Variants in KCNA2 observed in about 807,000 individuals in gnomAD.
The protein encoded by KCNA2 is potassium voltage-gated channel subfamily A member 2, also known as potassium channel, voltage gated shaker related subfamily A, member 2.
A neutral mutation model predicts 33.4 loss-of-function variants in KCNA2; 11 were observed. The observed-to-expected ratio is 0.33, with a 90% CI of 0.21 to 0.55. The LOEUF (loss-of-function observed/expected upper bound fraction) is 0.55. Among genes scored for constraint, KCNA2 ranks in the 20% least tolerant of loss-of-function variants. The pLI, the probability that KCNA2 is intolerant of heterozygous loss-of-function variation, is 0.93. For synonymous variants in KCNA2, 222 were observed against 231.3 expected (o/e 0.96, Z 0.37); for missense variants, 291 against 621.6 (o/e 0.47, Z 5.66).
In KCNA2 at chr1:110,603,021, C is replaced by A. The variant is rs1335967498; in HGVS notation, c.*262G>T. The A allele has an allele frequency of 3.0e-6, 4 of 1,344,430 alleles. No homozygotes were observed. The East Asian group carries it at 1.2e-4, about 41-fold the overall frequency. 83.3% of individuals were successfully genotyped at this position (1,344,430 alleles called of 1,614,324 possible). A position where few individuals can be genotyped will look rare whatever the true frequency, so the allele number is the denominator to read the frequency against. ...CTGTGTATGGGATATGAGGTGGCCT[C>A]AACGTGTCTATCTGAAATCCTAGCT... On this transcript the variant is annotated 3_prime_UTR_variant, in exon 3 of 3. Transcript: ENST00000316361. This position sits in a 1 kb window ranked among gnomAD's most constrained non-coding sequence, Gnocchi z 5.7.
In KCNA2 at chr1:110,593,811, A is replaced by G; in HGVS notation, c.*9472T>C. The G allele has an allele frequency of 6.6e-7, 1 of 1,524,190 alleles. No homozygotes were observed. Among genetic ancestry groups the G allele is most frequent in the Non-Finnish European group, 8.9e-7 (1 of 1,127,070 alleles). 94.4% of individuals were successfully genotyped at this position (1,524,190 alleles called of 1,614,324 possible). ...AAATATCAGACCCTACTGACACAGG[A>G]ACTCTCAGCTGCAGAAGTCCTGGGT... is the stretch of plus-strand genomic sequence containing the variant. On this transcript the variant is annotated 3_prime_UTR_variant, in exon 3 of 3. Transcript: ENST00000316361.
Position 110,601,471 on chromosome 1 carries a change from C to T in KCNA2, c.*1812G>A. On this transcript the variant is annotated 3_prime_UTR_variant, in exon 3 of 3. Coordinates refer to ENST00000316361, the MANE Select transcript of KCNA2 (RefSeq NM_004974.4). ...AAGAGGTGAAAATGGAGATGATGAA[C>T]AGGATGAACTGTAGAGAGGAGGCCC... is the stretch of plus-strand genomic sequence containing the variant. The T allele has an allele frequency of 1.0e-6, 1 of 985,630 alleles. No individual in the cohort carries two copies. The highest frequency in any genetic ancestry group is 1.2e-6 in the Non-Finnish European group (1 of 830,108). 61.1% of individuals were successfully genotyped at this position (985,630 alleles called of 1,614,324 possible).
In KCNA2 at chr1:110,625,299, A is replaced by G. The variant is rs185732629; in HGVS notation, c.-496+6096T>C. Among the ~76,000 whole-genome samples the G allele has an allele frequency of 9.2e-5, 14 of 152,330 alleles. No homozygotes were observed. The East Asian group carries it at 1.3e-3, about 15-fold the overall frequency. ...TCCCAGCACATAAATATACAGACCA[A>G]TGGAATTGAATGGGAAGTTCAGACA... is the stretch of plus-strand genomic sequence containing the variant. On this transcript the variant is annotated intron_variant, in intron 1 of 4. Transcript: ENST00000369770.
rs1649128669 is a variant in KCNA2, at chr1:110,597,084, C to G, written c.*6199G>C. The G allele has an allele frequency of 7.1e-6, 7 of 985,466 alleles. No individual in the cohort carries two copies. The highest frequency in any genetic ancestry group is 8.4e-6 in the Non-Finnish European group (7 of 829,954). 61.0% of individuals were successfully genotyped at this position (985,466 alleles called of 1,614,324 possible). ...AGACTTCTACTGAAACCCACAAGAA[C>G]CTGCTTCCTTCTGCAGCTCTCACGG... On this transcript the variant is annotated 3_prime_UTR_variant, in exon 3 of 3. Transcript: ENST00000316361.
chr1:110,631,083 T>C (rs920049071), intron 1 of KCNA2, among the ~76,000 whole-genome samples: 2 of 152,154 alleles, frequency 1.3e-5, no homozygotes, highest in African/African-American at 2.4e-5. Flanking sequence ...CTTCCAAGCC[T>C]CAGACCCCAT....
Position 110,600,823 on chromosome 1 carries a change from T to C in KCNA2, c.*2460A>G. Reference sequence around the variant, plus strand: ...GGGCATGGGATGCCCTGCAGATACCTGGGGATGTGGGTGACCAGGCACTAA... The same window carrying C: ...GGGCATGGGATGCCCTGCAGATACCCGGGGATGTGGGTGACCAGGCACTAA... On this transcript the variant is annotated 3_prime_UTR_variant, in exon 3 of 3. Coordinates refer to ENST00000316361, the MANE Select transcript of KCNA2 (RefSeq NM_004974.4). The C allele has an allele frequency of 1.0e-6, 1 of 985,430 alleles. No individual in the cohort carries two copies. Among genetic ancestry groups the C allele is most frequent in the Non-Finnish European group, 1.2e-6 (1 of 829,938 alleles). 61.0% of individuals were successfully genotyped at this position (985,430 alleles called of 1,614,324 possible). A position where few individuals can be genotyped will look rare whatever the true frequency, so the allele number is the denominator to read the frequency against.
chr1:110,599,910 C>G lies in KCNA2; in HGVS notation c.*3373G>C. 3 of 985,392 alleles carry G rather than the reference C, an allele frequency of 3.0e-6. No individual in the cohort carries two copies. The highest frequency in any genetic ancestry group is 3.6e-6 in the Non-Finnish European group (3 of 829,950). 61.0% of individuals were successfully genotyped at this position (985,392 alleles called of 1,614,324 possible). A position where few individuals can be genotyped will look rare whatever the true frequency, so the allele number is the denominator to read the frequency against. On this transcript the variant is annotated 3_prime_UTR_variant, in exon 3 of 3. Transcript: ENST00000316361. ...CCCAGGTACTTTCACACCCTGCACCCAGGTTTCTGGTGGGAGGAAGGTGAA... is the reference window on the plus strand; with the variant it reads ...CCCAGGTACTTTCACACCCTGCACCGAGGTTTCTGGTGGGAGGAAGGTGAA...
At chr1:110,608,907 G>T (rs534124568), upstream of KCNA2, among the ~76,000 whole-genome samples, 96 of 152,224 alleles carry the variant, frequency 6.3e-4, no homozygotes, top group Non-Finnish European at 2.2e-4. Context: ...TGATGATTTC[G>T]CTGCTCTGCT....
Position 110,603,403 on chromosome 1 carries a change from C to A in KCNA2, c.1380G>T (p.Glu460Asp), listed in dbSNP as rs1649445890. ...TACTGTTATTTACACCCTCCTGGAT[C>A]TCCATGTAATCAGACTTACTAATGG... is the stretch of plus-strand genomic sequence containing the variant. ...ASTISKSDYM[E>D]IQEGVNNSNE... The change falls in exon 3 of 3, where the codon GAG becomes GAT. Residue 460 changes from glutamate to aspartate, a missense_variant. Around this residue, in one of 5 missense-constraint regions of KCNA2, gnomAD observed 65 missense variants for 95.1 expected, o/e 0.68. Coordinates refer to ENST00000316361, the MANE Select transcript of KCNA2 (RefSeq NM_004974.4). The surrounding 1 kb of genome is among the most constrained non-coding windows in gnomAD (Gnocchi z 5.7). The A allele has an allele frequency of 6.2e-7, 1 of 1,614,220 alleles. No individual in the cohort carries two copies. Among genetic ancestry groups the A allele is most frequent in the South Asian group, 1.1e-5 (1 of 91,088 alleles).
intron 1 of KCNA2, among the ~76,000 whole-genome samples, chr1:110,625,453 A>G (rs894964598): frequency 6.6e-6 from 1 of 152,248 alleles, no homozygotes; most frequent in African/African-American, 2.4e-5. Context: ...CTGCCAGTAT[A>G]AACTCCAAAT....
chr1:110,599,499 C>T lies in KCNA2; in HGVS notation c.*3784G>A. The T allele has an allele frequency of 2.0e-6, 2 of 985,142 alleles. No individual in the cohort carries two copies. The highest frequency in any genetic ancestry group is 1.7e-5 in the African/African-American group (1 of 57,248). 61.0% of individuals were successfully genotyped at this position (985,142 alleles called of 1,614,324 possible). ...AAGGAAGAGCGTGCCCGGGATTGAACACACCCAGAGGGGAATCAGGAGTTG... is the reference window on the plus strand; with the variant it reads ...AAGGAAGAGCGTGCCCGGGATTGAATACACCCAGAGGGGAATCAGGAGTTG... On this transcript the variant is annotated 3_prime_UTR_variant, in exon 3 of 3. Coordinates refer to ENST00000316361, the MANE Select transcript of KCNA2 (RefSeq NM_004974.4).
chr1:110,617,158 G>A (rs1434188006), intron 1 of KCNA2, among the ~76,000 whole-genome samples: 1 of 152,170 alleles, frequency 6.6e-6, no homozygotes, highest in Non-Finnish European at 1.5e-5. Context: ...TGTGTGAGGA[G>A]GGATTTTGAG....
Position 110,604,922 on chromosome 1 carries a change from A to T in KCNA2, c.-140T>A, listed in dbSNP as rs1649532065. The T allele has an allele frequency of 6.6e-6, 5 of 762,384 alleles. No individual in the cohort carries two copies. In the South Asian group the frequency reaches 8.9e-5, roughly 14 times the overall value. The allele number at this position is 762,384 out of a possible 1,614,324, so 47.2% of individuals were successfully genotyped here. A position where few individuals can be genotyped will look rare whatever the true frequency, so the allele number is the denominator to read the frequency against. On this transcript the variant is annotated 5_prime_UTR_variant, in exon 3 of 3. Transcript: ENST00000316361. The surrounding 1 kb of genome is among the most constrained non-coding windows in gnomAD (Gnocchi z 7.6). ...AGGAGAGCCCCGAGAGCTCTCTGAG[A>T]GCTGGAGAGACAGCCTCGCTTGGCT...
chr1:110,622,262 A>G (rs1650277651), intron 1 of KCNA2, among the ~76,000 whole-genome samples: 1 of 152,182 alleles, frequency 6.6e-6, no homozygotes, highest in South Asian at 2.1e-4. Context: ...TTATCTTAAT[A>G]GACAGAGAAA....
Position 110,596,351 on chromosome 1 carries a change from ACACACATAAATATAT to A in KCNA2, c.*6917_*6931del. The A allele has an allele frequency of 2.7e-6, 1 of 371,090 alleles. No homozygotes were observed. Among genetic ancestry groups the A allele is most frequent in the Non-Finnish European group, 3.7e-6 (1 of 270,280 alleles). 23.0% of individuals were successfully genotyped at this position (371,090 alleles called of 1,614,324 possible). On this transcript the variant is annotated 3_prime_UTR_variant, in exon 3 of 3. Coordinates refer to ENST00000316361, the MANE Select transcript of KCNA2 (RefSeq NM_004974.4). Reference sequence around the variant, plus strand: ...ATACATATACTATATATATATATATACACACATAAATATATGTATATATGGAAAACCTCTAAAAAC... The same window carrying A: ...ATACATATACTATATATATATATATAGTATATATGGAAAACCTCTAAAAAC...
Position 110,594,097 on chromosome 1 carries a change from G to C in KCNA2, c.*9186C>G, listed in dbSNP as rs912396392. 2.8e-6 allele frequency: 4 copies of C among 1,411,894 alleles called. No individual in the cohort carries two copies. Among genetic ancestry groups the C allele is most frequent in the African/African-American group, 2.9e-5 (2 of 68,338 alleles). 87.5% of individuals were successfully genotyped at this position (1,411,894 alleles called of 1,614,324 possible). ...TTACGAAGCTTTACCATCAGCCTTG[G>C]AGTTCCTTCTGCTATTGATCCCAAG... On this transcript the variant is annotated 3_prime_UTR_variant, in exon 3 of 3. Coordinates refer to ENST00000316361, the MANE Select transcript of KCNA2 (RefSeq NM_004974.4).
In KCNA2 at chr1:110,616,894, A is replaced by G. The variant is rs1036796346; in HGVS notation, c.-495-11172T>C. Among the ~76,000 whole-genome samples the G allele has an allele frequency of 3.3e-5, 5 of 152,248 alleles. No individual in the cohort carries two copies. The South Asian group carries it at 1.0e-3, about 32-fold the overall frequency. ...GGATAAGGAAGCAGAATTGTCAACAATTGACTCTAACCCAAGGCAGAATGA... is the reference window on the plus strand; with the variant it reads ...GGATAAGGAAGCAGAATTGTCAACAGTTGACTCTAACCCAAGGCAGAATGA... On this transcript the variant is annotated intron_variant, in intron 1 of 4. Coordinates refer to the KCNA2 transcript ENST00000369770.
In KCNA2 at chr1:110,600,027, T is replaced by G; in HGVS notation, c.*3256A>C. ...CTGCTTGAAACCTAGGAGTTACTTC[T>G]CAGGAGTGAAATCTGGTAGTGAGAG... On this transcript the variant is annotated 3_prime_UTR_variant, in exon 3 of 3. Transcript: ENST00000316361. 1 of 985,032 alleles carries G rather than the reference T, an allele frequency of 1.0e-6. No homozygotes were observed. Among genetic ancestry groups the G allele is most frequent in the Non-Finnish European group, 1.2e-6 (1 of 829,876 alleles). 61.0% of individuals were successfully genotyped at this position (985,032 alleles called of 1,614,324 possible).
chr1:110,601,622 C>T lies in KCNA2; in HGVS notation c.*1661G>A, dbSNP rs1185102305. Reference sequence around the variant, plus strand: ...ATGGAGGGCAGAAAGACAATTCTAACGTCTAGGAATCCATGGATACCGGAG... The same window carrying T: ...ATGGAGGGCAGAAAGACAATTCTAATGTCTAGGAATCCATGGATACCGGAG... On this transcript the variant is annotated 3_prime_UTR_variant, in exon 3 of 3. Coordinates refer to ENST00000316361, the MANE Select transcript of KCNA2 (RefSeq NM_004974.4). The T allele has an allele frequency of 3.0e-6, 3 of 1,005,246 alleles. No homozygotes were observed. The highest frequency in any genetic ancestry group is 3.6e-6 in the Non-Finnish European group (3 of 843,250). The allele number at this position is 1,005,246 out of a possible 1,614,324, so 62.3% of individuals were successfully genotyped here.
Sources: allele counts gnomAD v4.1 joint callset (sites outside exome capture counted in the v4.1 genomes callset), GRCh38; gene constraint gnomAD v4.1.1; regional missense constraint gnomAD v4.1.1; non-coding constraint Gnocchi (gnomAD v3.1); transcripts MANE v1.5; gene names NCBI Gene and HGNC (gene_info 2026-07-23, HGNC 2026-07-21).